DENND1A: variants seen among roughly 807,000 people sequenced by gnomAD.
DENND1A encodes DENN domain-containing protein 1A.
Under a neutral mutation model 113.7 loss-of-function variants are expected in DENND1A, and 51 were observed. The ratio of observed to expected loss-of-function variants is 0.45; its 90% CI spans 0.36 to 0.57. DENND1A has a LOEUF of 0.57. Ranked by LOEUF, DENND1A falls within the 20% of genes least tolerant of loss-of-function variation. The probability of loss-of-function intolerance (pLI) is 0.00; values close to 1 mark genes in which losing one functional copy is unlikely to be tolerated. For missense variants in DENND1A, 1,258 were observed against 1,395.9 expected (o/e 0.90, Z 1.57); for synonymous variants, 565 against 570.8 (o/e 0.99, Z 0.14).
intron 2 of DENND1A, among the ~76,000 whole-genome samples, chr9:123,811,700 A>T (rs1471865534): frequency 6.6e-6 from 1 of 152,256 alleles, no homozygotes; most frequent in African/African-American, 2.4e-5. Flanking sequence ...CGGAGCTTGC[A>T]GTGAGCGGAG....
intron 18 of DENND1A, among the ~76,000 whole-genome samples, 191 bp downstream of exon 18, chr9:123,450,502 T>C (rs1041651007): frequency 6.6e-6 from 1 of 152,228 alleles, no homozygotes; most frequent in Non-Finnish European, 1.5e-5. Context: ...AGAGTCTTAA[T>C]GTTATTTGAA....
intron 11 of DENND1A, among the ~76,000 whole-genome samples, chr9:123,587,217 T>C (rs1269244520): frequency 3.9e-5 from 6 of 152,160 alleles, no homozygotes; most frequent in African/African-American, 1.4e-4. Flanking sequence ...GAAGTAATTC[T>C]TTAACATAGC....
rs148701664 is a variant in DENND1A at position 123,382,447 on chromosome 9, C to T, written c.2198G>A (p.Arg733Gln). The change falls in exon 24 of 24, where the codon CGA becomes CAA. Residue 733 changes from arginine to glutamine, a missense_variant. Around this residue, in one of 2 missense-constraint regions of DENND1A, gnomAD observed 1,159 missense variants for 1,231.7 expected, o/e 0.94. Transcript: ENST00000394215. ...GATGCTGTCCCGGTTCTGGGGCCTT[C>T]GAGGCAGGGCCAGGGAGTTTCCGAG... ...ALLGNSLALP[R>Q]RPQNRDSILN... is the part of the protein sequence containing the mutation. 60 of 1,611,388 alleles carry T rather than the reference C, an allele frequency of 3.7e-5. No homozygotes were observed. The African/African-American group carries it at 5.6e-4, about 15-fold the overall frequency.
chr9:123,542,172 G>A (rs777172148), intron 13 of DENND1A, among the ~76,000 whole-genome samples: 48 of 152,294 alleles, frequency 3.2e-4, no homozygotes, highest in South Asian at 1.4e-3. Context: ...GTTAGCTCCA[G>A]GCTAAGCCCA....
intron 1 of DENND1A, among the ~76,000 whole-genome samples, chr9:123,882,458 G>A (rs536778271): frequency 9.2e-5 from 12 of 130,890 alleles, no homozygotes; most frequent in Middle Eastern, 3.6e-3. Context: ...TGTCATCCTC[G>A]ACTCCCGTTT....
At chr9:123,613,220 A>G (rs1307813956) in intron 10 of DENND1A, among the ~76,000 whole-genome samples, 1 of 152,216 alleles carries the variant, frequency 6.6e-6, no homozygotes, top group Non-Finnish European at 1.5e-5. Flanking sequence ...AATAACGGAA[A>G]AACTATCAAT....
intron 13 of DENND1A, among the ~76,000 whole-genome samples, chr9:123,532,454 C>T (rs2055399915): frequency 6.6e-6 from 1 of 152,180 alleles, no homozygotes; most frequent in Non-Finnish European, 1.5e-5. Flanking sequence ...TGTTGCAAGA[C>T]ATTAACATTT....
chr9:123,755,121 ATTTTT>A (rs59565749), intron 5 of DENND1A, among the ~76,000 whole-genome samples: 1 of 132,822 alleles, frequency 7.5e-6, no homozygotes, highest in Non-Finnish European at 1.6e-5. Flanking sequence ...TTATACACAG[ATTTTT>A]TTTTTTTTTT....
At position 123,869,728 on chromosome 9, in the gene DENND1A, C is replaced by T. The variant is rs181557265; in HGVS notation, c.88+9223G>A. On this transcript the variant is annotated intron_variant, in intron 2 of 23. Coordinates refer to ENST00000394215, the MANE Select transcript of DENND1A (RefSeq NM_001352964.2). ...CAAGAATCAGGGTCCAGGCCAGGTG[C>T]GGTGGCTCATGCCTATAATCCCAAC... 3.2e-4 allele frequency among the ~76,000 whole-genome samples: 48 copies of T among 152,222 alleles called. 2 individuals are homozygous for T. The highest frequency in any genetic ancestry group is 2.2e-3 in the Admixed American group (34 of 15,294).
intron 5 of DENND1A, among the ~76,000 whole-genome samples, chr9:123,715,468 C>A (rs536535064): frequency 1.3e-5 from 2 of 152,170 alleles, no homozygotes; most frequent in Admixed American, 1.3e-4. Context: ...CATTCACCCA[C>A]ATCAATGACT....
intron 3 of DENND1A, among the ~76,000 whole-genome samples, chr9:123,777,204 CA>C (rs1339958536): frequency 1.3e-5 from 2 of 152,190 alleles, no homozygotes; most frequent in Admixed American, 6.5e-5. Context: ...TACCCTCTTT[CA>C]GGGGGGAAAA....
intron 19 of DENND1A, among the ~76,000 whole-genome samples, chr9:123,430,643 G>C (rs116873812): frequency 0.028 from 4,258 of 152,214 alleles, 75 homozygotes; most frequent in South Asian, 0.046. Context: ...GGACACACTG[G>C]GGGAATAACA....
chr9:123,637,183 T>C (rs2061750546), intron 9 of DENND1A, among the ~76,000 whole-genome samples: 1 of 152,194 alleles, frequency 6.6e-6, no homozygotes, highest in East Asian at 1.9e-4. Flanking sequence ...TTAGAGGCAT[T>C]TGGATTTCCC....
At chr9:123,479,762 A>C (rs1184565970) in intron 13 of DENND1A, among the ~76,000 whole-genome samples, 1 of 151,998 alleles carries the variant, frequency 6.6e-6, no homozygotes, top group Non-Finnish European at 1.5e-5. Flanking sequence ...TTTGGCAAAA[A>C]CCCCCTACAA....
intron 10 of DENND1A, among the ~76,000 whole-genome samples, chr9:123,619,419 T>C (rs906531924): frequency 2.6e-5 from 4 of 151,710 alleles, no homozygotes; most frequent in Non-Finnish European, 1.5e-5. Flanking sequence ...GATTGACTGA[T>C]TGATTGATTG....
At chr9:123,840,351 T>C (rs1328173006) in intron 2 of DENND1A, among the ~76,000 whole-genome samples, 1 of 152,000 alleles carries the variant, frequency 6.6e-6, no homozygotes, top group Non-Finnish European at 1.5e-5. Flanking sequence ...TCTCTTCTCA[T>C]TAATTTTTTT....
At chr9:123,395,510 G>C (rs1032757758) in intron 21 of DENND1A, among the ~76,000 whole-genome samples, 9 of 149,924 alleles carry the variant, frequency 6.0e-5, no homozygotes, top group South Asian at 4.3e-4. Context: ...GAGAGAGAGA[G>C]AGAGTGAGAG....
rs1564598042 is a variant in DENND1A at position 123,495,171 on chromosome 9, T to TCTCTCTCTC, written c.994-37275_994-37274insGAGAGAGAG. Among the ~76,000 whole-genome samples the TCTCTCTCTC allele has an allele frequency of 2.2e-3, 170 of 76,356 alleles. 1 individual carries two copies. The highest frequency in any genetic ancestry group is 9.8e-3 in the African/African-American group (144 of 14,688). The allele number at this position is 76,356 out of a possible 152,430, so 50.1% of individuals were successfully genotyped here. ...TCTCTCTCTCTCTCTCTCTCTCTCT[T>TCTCTCTCTC]ATAATGTCTGTTTCCCTCACAGGGC... On this transcript the variant is annotated intron_variant, in intron 13 of 23. Transcript: ENST00000394215.
intron 2 of DENND1A, among the ~76,000 whole-genome samples, chr9:123,872,463 A>G (rs1431022331): frequency 6.6e-6 from 1 of 152,210 alleles, no homozygotes; most frequent in African/African-American, 2.4e-5. Context: ...GAGAGTGAGG[A>G]AAACACATAT....
Sources: gnomAD v4.1 joint callset for allele counts (sites outside exome capture counted in the v4.1 genomes callset) on GRCh38, gnomAD v4.1.1 for gene constraint, gnomAD v4.1.1 regional missense constraint, MANE v1.5 for transcripts, NCBI Gene and HGNC (gene_info 2026-07-23, HGNC 2026-07-21) for gene names.